The following MAP3K5 variants were observed in gnomAD, a reference collection of about 807,000 sequenced individuals.
MAP3K5 encodes the protein mitogen-activated protein kinase kinase kinase 5.
MAP3K5 carries 56 observed loss-of-function variants against 158.7 expected under a neutral mutation model. The ratio of observed to expected loss-of-function variants is 0.35; its 90% CI spans 0.28 to 0.44. The LOEUF is 0.44. Ranked by LOEUF, MAP3K5 falls within the 20% of genes least tolerant of loss-of-function variation. The probability of loss-of-function intolerance (pLI) is 1.00; values close to 1 mark genes in which losing one functional copy is unlikely to be tolerated. For synonymous variants in MAP3K5, 579 were observed against 601.7 expected (o/e 0.96, Z 0.55); for missense variants, 1,294 against 1,674.8 (o/e 0.77, Z 3.97).
At chr6:136,603,491 T>G (rs1775972468) in intron 19 of MAP3K5, among the ~76,000 whole-genome samples, 1 of 151,984 alleles carries the variant, frequency 6.6e-6, no homozygotes, top group South Asian at 2.1e-4. Context: ...AGGTACTATT[T>G]TTATCCTTAT....
chr6:136,575,036 C>CA (rs1774548967), intron 25 of MAP3K5, among the ~76,000 whole-genome samples: 1 of 151,906 alleles, frequency 6.6e-6, no homozygotes, highest in Admixed American at 6.6e-5. Context: ...TTTAGGATAA[C>CA]AGAGAAGTTG....
intron 1 of MAP3K5, among the ~76,000 whole-genome samples, chr6:136,753,266 A>G (rs1041039624): frequency 2.0e-5 from 3 of 152,226 alleles, no homozygotes; most frequent in Non-Finnish European, 4.4e-5. Context: ...TAAAACAATA[A>G]TAGGCCTTTA....
chr6:136,778,539 T>C (rs1582688987), intron 1 of MAP3K5, among the ~76,000 whole-genome samples: 1 of 152,212 alleles, frequency 6.6e-6, no homozygotes, highest in Admixed American at 6.5e-5. Flanking sequence ...AAATCACACC[T>C]TTTTAACCTA....
At chr6:136,640,693 T>G (rs749542088) in intron 12 of MAP3K5, among the ~76,000 whole-genome samples, 1 of 152,218 alleles carries the variant, frequency 6.6e-6, no homozygotes, top group African/African-American at 2.4e-5. Flanking sequence ...GTCTTAGTCA[T>G]TTTTGTATCT....
chr6:136,756,874 T>C (rs1783515059), intron 1 of MAP3K5, among the ~76,000 whole-genome samples: 1 of 152,236 alleles, frequency 6.6e-6, no homozygotes, highest in East Asian at 1.9e-4. Context: ...CTTTTCCTCT[T>C]CCATCTCATT....
intron 4 of MAP3K5, 146 bp from the exon 5 acceptor site, chr6:136,697,533 T>A (rs1780652846): frequency 3.7e-6 from 2 of 539,084 alleles, no homozygotes; most frequent in Non-Finnish European, 6.3e-6. Context: ...CCTAAATAAA[T>A]ATCTTACATA....
At chr6:136,629,966 G>A (rs190996625) in intron 14 of MAP3K5, among the ~76,000 whole-genome samples, 49 of 151,746 alleles carry the variant, frequency 3.2e-4, no homozygotes, top group Admixed American at 2.6e-3. Context: ...TAGCCAGGTT[G>A]GTCTCAAACT....
chr6:136,680,961 A>G (rs1415182333), intron 7 of MAP3K5, among the ~76,000 whole-genome samples: 1 of 152,204 alleles, frequency 6.6e-6, no homozygotes, highest in African/African-American at 2.4e-5. Context: ...GGAGGAAGGG[A>G]GTGACAGCAA....
At position 136,613,160 on chromosome 6, in the gene MAP3K5, T is replaced by A. The variant is rs776101447; in HGVS notation, c.2375A>T (p.Lys792Ile). The A allele has an allele frequency of 2.5e-6, 4 of 1,613,030 alleles. No homozygotes were observed. The highest frequency in any genetic ancestry group is 3.4e-6 in the Non-Finnish European group (4 of 1,179,620). The change falls in exon 17 of 30, where the codon AAA (lysine) becomes ATA (isoleucine). Residue 792 changes from lysine (K) to isoleucine (I), a missense_variant. By Grantham distance (102) the Lys-to-Ile change is moderately radical (BLOSUM62 -3). This residue lies in a region of MAP3K5 where 362 missense variants were observed against 463.2 expected (regional missense o/e 0.78). Coordinates refer to ENST00000359015, the MANE Select transcript of MAP3K5 (RefSeq NM_005923.4). The surrounding 1 kb of genome is among the most constrained non-coding windows in gnomAD (Gnocchi z 4.0). Reference sequence around the variant, plus strand: ...AACTATCTGATTGTCATGGAGATATTTTAATCCTTCCAGTATTTGCTTTGT... The same window carrying A: ...AACTATCTGATTGTCATGGAGATATATTAATCCTTCCAGTATTTGCTTTGT... The part of the protein sequence containing the change: ...FYTKQILEGL[K>I]YLHDNQIVHR...
chr6:136,647,737 T>C (rs1446471983), intron 11 of MAP3K5: 1 of 152,254 alleles, frequency 6.6e-6, no homozygotes, highest in East Asian at 1.9e-4. Context: ...TCTTCTAATC[T>C]AGTTTGTCTT....
At chr6:136,676,744 G>A (rs1351067543) in intron 7 of MAP3K5, among the ~76,000 whole-genome samples, 1 of 145,386 alleles carries the variant, frequency 6.9e-6, no homozygotes, top group African/African-American at 2.5e-5. Flanking sequence ...ATTTCTTTGT[G>A]TTAACTTTCA....
intron 23 of MAP3K5, among the ~76,000 whole-genome samples, chr6:136,586,303 A>G (rs1276289714): frequency 6.6e-6 from 1 of 152,276 alleles, no homozygotes; most frequent in Non-Finnish European, 1.5e-5. Context: ...ACTCAGTTGC[A>G]ACATGTTTGC....
At chr6:136,759,066 G>C (rs948475450) in intron 1 of MAP3K5, among the ~76,000 whole-genome samples, 4 of 152,210 alleles carry the variant, frequency 2.6e-5, no homozygotes, top group East Asian at 1.9e-4. Flanking sequence ...CCCTACTCAG[G>C]AGGCTGAGGC....
At chr6:136,661,206 T>A (rs911418132) in intron 8 of MAP3K5, among the ~76,000 whole-genome samples, 9 of 152,188 alleles carry the variant, frequency 5.9e-5, no homozygotes, top group African/African-American at 1.9e-4. Context: ...ACATTTAAAA[T>A]TTTTCATGTT....
At chr6:136,747,958 G>A (rs147474108) in intron 1 of MAP3K5, among the ~76,000 whole-genome samples, 124 of 152,134 alleles carry the variant, frequency 8.2e-4, no homozygotes, top group African/African-American at 2.6e-3. Flanking sequence ...AAGAACCTAG[G>A]TCTATCAGAT....
chr6:136,614,330 C>A, intron 15 of MAP3K5, 44 bp from the exon 16 acceptor site: 1 of 1,594,260 alleles, frequency 6.3e-7, no homozygotes, highest in South Asian at 1.1e-5. Context: ...TGTAGCCAGA[C>A]TTTACTGTAT....
intron 25 of MAP3K5, among the ~76,000 whole-genome samples, chr6:136,578,418 G>A (rs1462914443): frequency 6.6e-6 from 1 of 152,160 alleles, no homozygotes; most frequent in Non-Finnish European, 1.5e-5. Context: ...AGTATGCTAG[G>A]CTCAGAATAA....
intron 7 of MAP3K5, among the ~76,000 whole-genome samples, chr6:136,673,854 T>C (rs1265493065): frequency 6.6e-6 from 1 of 151,986 alleles, no homozygotes; most frequent in Non-Finnish European, 1.5e-5. Flanking sequence ...ATATGTGAGA[T>C]ATAATGGATA....
intron 20 of MAP3K5, among the ~76,000 whole-genome samples, 170 bp from the exon 21 acceptor site, chr6:136,601,212 A>G (rs1203865595): frequency 6.8e-6 from 1 of 147,556 alleles, no homozygotes; most frequent in African/African-American, 2.6e-5. Context: ...AACAATTGGA[A>G]CCTTTACTTT....
Sources: gnomAD v4.1 joint callset for allele counts (sites outside exome capture counted in the v4.1 genomes callset) on GRCh38, gnomAD v4.1.1 for gene constraint, gnomAD v4.1.1 regional missense constraint, Gnocchi (gnomAD v3.1) non-coding constraint, MANE v1.5 for transcripts, NCBI Gene and HGNC (gene_info 2026-07-23, HGNC 2026-07-21) for gene names.